GLRA3: variants seen among roughly 807,000 people sequenced by gnomAD.
The protein encoded by GLRA3 is glycine receptor subunit alpha-3.
Under a neutral mutation model 60.4 loss-of-function variants are expected in GLRA3, and 44 were observed. The ratio of observed to expected loss-of-function variants is 0.73; its 90% CI spans 0.57 to 0.94. The LOEUF (loss-of-function observed/expected upper bound fraction) is 0.94, where lower values mean the gene tolerates loss of function less well. Among genes scored for constraint, GLRA3 ranks in the 40% least tolerant of loss-of-function variants. The pLI, the probability that GLRA3 is intolerant of heterozygous loss-of-function variation, is 0.00. For missense variants in GLRA3, 508 were observed against 564.6 expected (o/e 0.90, Z 1.02); for synonymous variants, 223 against 192.9 (o/e 1.16, Z -1.29).
At chr4:174,714,512 T>G (rs1327439715) in intron 5 of GLRA3, among the ~76,000 whole-genome samples, 3 of 152,178 alleles carry the variant, frequency 2.0e-5, no homozygotes, top group African/African-American at 7.2e-5. Flanking sequence ...ATCAGAGAAA[T>G]TGATATTTCC....
chr4:174,665,362 G>T (rs1354273316), intron 7 of GLRA3, among the ~76,000 whole-genome samples: 2 of 151,432 alleles, frequency 1.3e-5, no homozygotes, highest in East Asian at 3.9e-4. Context: ...CAAATGCCCA[G>T]GCCAGAATAA....
At chr4:174,776,566 G>A (rs937924426) in intron 2 of GLRA3, among the ~76,000 whole-genome samples, 1 of 152,072 alleles carries the variant, frequency 6.6e-6, no homozygotes, top group Non-Finnish European at 1.5e-5. Context: ...AAGGAATCTC[G>A]TAATGCCTGT....
At chr4:174,775,099 A>C (rs946061384) in intron 2 of GLRA3, among the ~76,000 whole-genome samples, 1 of 152,214 alleles carries the variant, frequency 6.6e-6, no homozygotes, top group Non-Finnish European at 1.5e-5. Context: ...CCCCATCAAC[A>C]TTTCAAATGA....
At chr4:174,657,212 T>G (rs748870128) in intron 8 of GLRA3, among the ~76,000 whole-genome samples, 2 of 152,156 alleles carry the variant, frequency 1.3e-5, no homozygotes, top group Admixed American at 1.3e-4. Flanking sequence ...TTGGTAAAAA[T>G]AATTTTTTAA....
At chr4:174,749,486 A>G (rs1415553287) in intron 3 of GLRA3, among the ~76,000 whole-genome samples, 1 of 152,162 alleles carries the variant, frequency 6.6e-6, no homozygotes, top group Non-Finnish European at 1.5e-5. Flanking sequence ...AGAAGTACAC[A>G]GAAACCAGTG....
At position 174,646,826 on chromosome 4, in the gene GLRA3, T is replaced by C. The variant is rs146066432; in HGVS notation, c.1117-2762A>G. On this transcript the variant is annotated intron_variant, in intron 9 of 9. Coordinates refer to ENST00000274093, the MANE Select transcript of GLRA3 (RefSeq NM_006529.4). Reference sequence around the variant, plus strand: ...GGTGTTCTGAGAGTCTGTATGACAATTGGAACCTCAAATCTCAGCAGTGGT... The same window carrying C: ...GGTGTTCTGAGAGTCTGTATGACAACTGGAACCTCAAATCTCAGCAGTGGT... 3.8e-3 allele frequency among the ~76,000 whole-genome samples: 585 copies of C among 152,220 alleles called. 1 individual carries two copies. Among genetic ancestry groups the C allele is most frequent in the Non-Finnish European group, 6.2e-3 (419 of 67,994 alleles).
At chr4:174,757,435 A>G (rs1024576421) in intron 3 of GLRA3, among the ~76,000 whole-genome samples, 2 of 152,130 alleles carry the variant, frequency 1.3e-5, no homozygotes, top group Admixed American at 6.5e-5. Context: ...TGACTGATCT[A>G]TGGTTGGGGT....
chr4:174,743,181 T>C (rs182942714), intron 3 of GLRA3, among the ~76,000 whole-genome samples: 1 of 152,274 alleles, frequency 6.6e-6, no homozygotes, highest in East Asian at 1.9e-4. Flanking sequence ...TTTTGAAACC[T>C]AAAAATTAAC....
chr4:174,744,123 C>G (rs1003978018), intron 3 of GLRA3, among the ~76,000 whole-genome samples: 1 of 152,238 alleles, frequency 6.6e-6, no homozygotes, highest in Non-Finnish European at 1.5e-5. Flanking sequence ...AGTAGTTAGG[C>G]CTGAGAGCTA....
intron 1 of GLRA3, among the ~76,000 whole-genome samples, chr4:174,798,497 G>A (rs1021866101): frequency 2.0e-5 from 3 of 152,120 alleles, no homozygotes; most frequent in African/African-American, 4.8e-5. Flanking sequence ...GTGATGTTTC[G>A]AGTATTTCAA....
intron 2 of GLRA3, among the ~76,000 whole-genome samples, chr4:174,779,164 C>T (rs552709447): frequency 3.7e-4 from 56 of 152,176 alleles, no homozygotes; most frequent in Non-Finnish European, 6.6e-4. Context: ...TCCCTGACCC[C>T]CAAGCAGCCT....
intron 3 of GLRA3, among the ~76,000 whole-genome samples, chr4:174,756,281 C>A (rs1252793996): frequency 1.3e-5 from 2 of 152,180 alleles, no homozygotes; most frequent in Non-Finnish European, 2.9e-5. Context: ...ACTGATACCA[C>A]ACGCCACTCT....
At chr4:174,675,062 AT>A (rs1426981398) in intron 7 of GLRA3, among the ~76,000 whole-genome samples, 1 of 152,312 alleles carries the variant, frequency 6.6e-6, no homozygotes, top group East Asian at 1.9e-4. Context: ...TTCCTGACTT[AT>A]CTTGAATTCT....
rs777302621 is a variant in GLRA3, at chr4:174,659,085, A to G, written c.1040T>C (p.Leu347Pro). The change falls in exon 8 of 10, where the codon CTT becomes CCT. Residue 347 changes from leucine (L) to proline (P), a missense_variant. By Grantham distance (98) the Leu-to-Pro change is moderately conservative. Around this residue, in one of 3 missense-constraint regions of GLRA3, gnomAD observed 176 missense variants for 197.9 expected, o/e 0.89. Transcript: ENST00000274093. The stretch of plus-strand genomic sequence containing the variant: ...CTTTCTCTTTCGTCGAAATCTCAGA[A>G]GTTCTTTGTGTTGTCTTGATACAAA... ...VNFVSRQHKE[L>P]LRFRRKRKNK... 1 of 1,613,250 alleles carries G rather than the reference A, an allele frequency of 6.2e-7. No homozygotes were observed. The highest frequency in any genetic ancestry group is 1.1e-5 in the South Asian group (1 of 91,044).
rs1465567654 is a variant in GLRA3, at chr4:174,639,898, T to C, written c.*3888A>G. 1 of 152,142 alleles carries C rather than the reference T, an allele frequency of 6.6e-6. No individual in the cohort carries two copies. Among genetic ancestry groups the C allele is most frequent in the East Asian group, 1.9e-4 (1 of 5,194 alleles). The allele number at this position is 152,142 out of a possible 1,614,324, so 9.4% of individuals were successfully genotyped here. A position where few individuals can be genotyped will look rare whatever the true frequency, so the allele number is the denominator to read the frequency against. On this transcript the variant is annotated 3_prime_UTR_variant, in exon 10 of 10. Transcript: ENST00000274093. ...AGGAAATAAAAACCAATGCATCTGC[T>C]GAGGAAGATGTCTCTTATACAGGTA...
At position 174,724,076 on chromosome 4, in the gene GLRA3, A is replaced by G. The variant is rs193143860; in HGVS notation, c.491+4399T>C. ...TGTGTGTGTGTGTATATATATATGT[A>G]TATATATATATATGCCTTAAAAATA... On this transcript the variant is annotated intron_variant, in intron 4 of 9. Coordinates refer to ENST00000274093, the MANE Select transcript of GLRA3 (RefSeq NM_006529.4). Among the ~76,000 whole-genome samples the G allele has an allele frequency of 3.6e-4, 53 of 148,954 alleles. No individual in the cohort carries two copies. In the East Asian group the frequency reaches 5.7e-3, roughly 16 times the overall value.
At chr4:174,813,657 A>G (rs916792214) in intron 1 of GLRA3, among the ~76,000 whole-genome samples, 1 of 152,266 alleles carries the variant, frequency 6.6e-6, no homozygotes. Flanking sequence ...CAACCTCCAA[A>G]TCTATAGCCT....
intron 4 of GLRA3, among the ~76,000 whole-genome samples, chr4:174,723,596 G>T (rs1736210432): frequency 6.6e-6 from 1 of 151,926 alleles, no homozygotes; most frequent in South Asian, 2.1e-4. Flanking sequence ...ACTATTCCAT[G>T]CTACCTGGTG....
chr4:174,796,232 C>G (rs1178305667), intron 1 of GLRA3, among the ~76,000 whole-genome samples: 5 of 152,060 alleles, frequency 3.3e-5, no homozygotes, highest in South Asian at 4.1e-4. Flanking sequence ...GGTCAATGTA[C>G]CAGGAAGCAG....
Sources: gnomAD v4.1 joint callset for allele counts (sites outside exome capture counted in the v4.1 genomes callset) on GRCh38, gnomAD v4.1.1 for gene constraint, gnomAD v4.1.1 regional missense constraint, MANE v1.5 for transcripts, NCBI Gene and HGNC (gene_info 2026-07-23, HGNC 2026-07-21) for gene names.